The following SMIM45 variants were observed in gnomAD, a reference collection of about 807,000 sequenced individuals.
SMIM45 encodes the protein small integral membrane protein 45, also known as long intergenic non-protein coding RNA 634.
chr22:41,949,538 T>G, the SMIM45 span, among the ~76,000 whole-genome samples: 7 of 152,102 alleles, frequency 4.6e-5, no homozygotes, highest in Non-Finnish European at 7.4e-5. Flanking sequence ...CGGAGGTGAT[T>G]GAGCTCCCAG....
the SMIM45 span, among the ~76,000 whole-genome samples, chr22:41,955,092 C>T: frequency 3.3e-5 from 5 of 152,300 alleles, no homozygotes; most frequent in South Asian, 8.3e-4. Context: ...CTGCCTTCTC[C>T]GCCTCTCGCT....
the SMIM45 span, among the ~76,000 whole-genome samples, chr22:41,955,722 T>C: frequency 2.4e-4 from 35 of 148,292 alleles, no homozygotes; most frequent in African/African-American, 8.7e-4. Flanking sequence ...AGGAGAATGG[T>C]GTGAACCTGG....
the SMIM45 span, among the ~76,000 whole-genome samples, chr22:41,954,509 G>A: frequency 6.6e-6 from 1 of 152,188 alleles, no homozygotes; most frequent in African/African-American, 2.4e-5. Context: ...GCCAGACAGT[G>A]ATCTGGCTTT....
At chr22:41,947,096 G>A in the SMIM45 span, 2 of 1,612,076 alleles carry the variant, frequency 1.2e-6, no homozygotes, top group Non-Finnish European at 1.7e-6. Context: ...AGGACCAACC[G>A]TTGCTCCTGC....
chr22:41,954,275 C>T, the SMIM45 span, among the ~76,000 whole-genome samples: 1 of 143,014 alleles, frequency 7.0e-6, no homozygotes, highest in Admixed American at 7.3e-5. Context: ...GGCACCATCT[C>T]GGCTCACTGC....
the SMIM45 span, chr22:41,947,003 G>A: frequency 9.9e-6 from 16 of 1,612,114 alleles, no homozygotes; most frequent in African/African-American, 2.0e-4. Context: ...GGGGGAAGCA[G>A]GGCCGCCTGC....
chr22:41,956,419 C>T, the SMIM45 span, among the ~76,000 whole-genome samples: 2 of 151,956 alleles, frequency 1.3e-5, no homozygotes, highest in Admixed American at 6.6e-5. Flanking sequence ...TGTGTAGACT[C>T]CATTGATATC....
chr22:41,953,785 C>G, the SMIM45 span, among the ~76,000 whole-genome samples: 3 of 120,464 alleles, frequency 2.5e-5, no homozygotes, highest in Non-Finnish European at 1.6e-5. Flanking sequence ...GAGTCTCGCT[C>G]TGTTGCCCAG....
At chr22:41,947,204 G>A in the SMIM45 span, 1 of 828,354 alleles carries the variant, frequency 1.2e-6, no homozygotes, top group Non-Finnish European at 2.0e-6. Flanking sequence ...GGGACGGGAC[G>A]GGGCCTCTTA....
chr22:41,957,543 C>T, the SMIM45 span: 1 of 152,694 alleles, frequency 6.5e-6, no homozygotes, highest in African/African-American at 2.4e-5. Flanking sequence ...CCTTGCTCTC[C>T]TGGACCTCAG....
the SMIM45 span, chr22:41,946,982 G>A: frequency 6.2e-7 from 1 of 1,608,678 alleles, no homozygotes; most frequent in South Asian, 1.1e-5. Context: ...CGCCCAGGAG[G>A]AAAAACCGGC....
At chr22:41,949,414 A>T in the SMIM45 span, among the ~76,000 whole-genome samples, 1 of 152,214 alleles carries the variant, frequency 6.6e-6, no homozygotes, top group Non-Finnish European at 1.5e-5. Flanking sequence ...GGCAGAAGGC[A>T]GTGCAAGTGG....
the SMIM45 span, among the ~76,000 whole-genome samples, chr22:41,954,419 C>T: frequency 2.0e-5 from 3 of 151,930 alleles, no homozygotes; most frequent in Non-Finnish European, 4.4e-5. Flanking sequence ...GTTGGCCAGG[C>T]TGGTCTTGAA....
At chr22:41,958,235 C>G in the SMIM45 span, 3 of 451,234 alleles carry the variant, frequency 6.6e-6, no homozygotes, top group Admixed American at 7.1e-5. Flanking sequence ...GGCTGCCTGT[C>G]CTGAGGCTCC....
chr22:41,951,181 G>C, the SMIM45 span, among the ~76,000 whole-genome samples: 4 of 152,240 alleles, frequency 2.6e-5, no homozygotes, highest in Non-Finnish European at 4.4e-5. Flanking sequence ...GGATTCCCTA[G>C]GGAGGTGGTT....
chr22:41,947,614 C>T, the SMIM45 span, among the ~76,000 whole-genome samples: 1 of 149,994 alleles, frequency 6.7e-6, no homozygotes, highest in Non-Finnish European at 1.5e-5. Flanking sequence ...GTGATCCCGC[C>T]TCGGCCTCCC....
the SMIM45 span, among the ~76,000 whole-genome samples, chr22:41,949,307 AC>A: frequency 6.6e-6 from 1 of 152,072 alleles, no homozygotes; most frequent in Non-Finnish European, 1.5e-5. Context: ...GGAGGAGGCT[AC>A]TTTAGAGCAG....
the SMIM45 span, chr22:41,947,200 G>T: frequency 2.4e-6 from 2 of 847,684 alleles, no homozygotes; most frequent in Non-Finnish European, 3.8e-6. Flanking sequence ...TCGCGGGACG[G>T]GACGGGGCCT....
At chr22:41,958,398 C>T in the SMIM45 span, 1 of 456,322 alleles carries the variant, frequency 2.2e-6, no homozygotes, top group South Asian at 1.5e-5. Context: ...AGCCGCACCC[C>T]GCGGGGCTCA....
Sources: gnomAD v4.1 joint callset for allele counts (sites outside exome capture counted in the v4.1 genomes callset) on GRCh38, gnomAD v4.1.1 for gene constraint, MANE v1.5 for transcripts, NCBI Gene and HGNC (gene_info 2026-07-23, HGNC 2026-07-21) for gene names.